ZMIZ1: variants seen among roughly 807,000 people sequenced by gnomAD.
ZMIZ1 encodes the protein zinc finger MIZ-type containing 1.
Under a neutral mutation model 113.9 loss-of-function variants are expected in ZMIZ1, and 17 were observed. The ratio of observed to expected loss-of-function variants is 0.15; its 90% CI spans 0.10 to 0.22. ZMIZ1 has a LOEUF of 0.22. ZMIZ1 is among the 10% of genes least tolerant of loss of function. ZMIZ1 has a pLI of 1.00. For synonymous variants in ZMIZ1, 607 were observed against 603.1 expected, an observed-to-expected ratio of 1.01 and a Z score of -0.09; for missense variants, 1,059 against 1,477.8, an observed-to-expected ratio of 0.72 and a Z score of 4.65.
intron 7 of ZMIZ1, among the ~76,000 whole-genome samples, chr10:79,257,156 G>A (rs1011614774): frequency 4.6e-5 from 7 of 152,182 alleles, no homozygotes; most frequent in African/African-American, 1.2e-4. Context: ...TGTCAACTCC[G>A]CTCATCCCAT....
At chr10:79,070,350 G>A (rs1842222056) in intron 1 of ZMIZ1, among the ~76,000 whole-genome samples, 1 of 152,120 alleles carries the variant, frequency 6.6e-6, no homozygotes, top group African/African-American at 2.4e-5. Flanking sequence ...TGGAGCGGTG[G>A]GGGCGCGGGC....
At chr10:79,123,008 T>G (rs1844364793) in intron 2 of ZMIZ1, among the ~76,000 whole-genome samples, 1 of 152,182 alleles carries the variant, frequency 6.6e-6, no homozygotes, top group African/African-American at 2.4e-5. Context: ...CCAGCCCTGC[T>G]TTTCCCCACA....
intron 6 of ZMIZ1, among the ~76,000 whole-genome samples, chr10:79,214,577 T>A (rs1343370201): frequency 3.3e-5 from 5 of 152,160 alleles, no homozygotes; most frequent in Non-Finnish European, 7.4e-5. Flanking sequence ...TTTCACAAAT[T>A]CCTGAGATTT....
intron 7 of ZMIZ1, among the ~76,000 whole-genome samples, chr10:79,220,830 G>T (rs920645379): frequency 2.0e-5 from 3 of 151,722 alleles, no homozygotes; most frequent in Admixed American, 6.6e-5. Context: ...GTGTGTGCCT[G>T]TGTACATGTG....
rs78861885 is a variant in ZMIZ1 at position 79,119,622 on chromosome 10, T to G, written c.-227+598T>G. Among the ~76,000 whole-genome samples the G allele has an allele frequency of 4.2e-4, 64 of 152,336 alleles. No homozygotes were observed. In the East Asian group the frequency reaches 0.011, roughly 25 times the overall value. On this transcript the variant is annotated intron_variant, in intron 2 of 24. Transcript: ENST00000334512. ...TCTGCCTCTGGCCTTGCTCCTAGCT[T>G]CTTTTTGGGGGTGGGGATCAGGGCA...
chr10:79,164,059 T>G (rs761326057), intron 4 of ZMIZ1, among the ~76,000 whole-genome samples: 25 of 152,110 alleles, frequency 1.6e-4, no homozygotes, highest in Admixed American at 1.1e-3. Context: ...AGAGAAAGCC[T>G]TGGTGGAAAA....
intron 3 of ZMIZ1, among the ~76,000 whole-genome samples, chr10:79,141,243 G>A (rs1845249909): frequency 6.6e-6 from 1 of 152,170 alleles, no homozygotes; most frequent in African/African-American, 2.4e-5. Context: ...AGTCTGTCAG[G>A]AACTCTTTAA....
intron 1 of ZMIZ1, among the ~76,000 whole-genome samples, chr10:79,083,836 G>A (rs1842730854): frequency 1.3e-5 from 2 of 152,210 alleles, no homozygotes; most frequent in Non-Finnish European, 2.9e-5. Context: ...TCAAGTTGCT[G>A]TGTCCTGGGA....
At chr10:79,079,340 A>T (rs764247020) in intron 1 of ZMIZ1, among the ~76,000 whole-genome samples, 1 of 152,160 alleles carries the variant, frequency 6.6e-6, no homozygotes, top group African/African-American at 2.4e-5. Flanking sequence ...ACTTTCCTGG[A>T]GAGGTGGTCT....
chr10:79,252,731 A>G (rs116792099), intron 7 of ZMIZ1, among the ~76,000 whole-genome samples: 2,674 of 152,292 alleles, frequency 0.018, 55 homozygotes, highest in East Asian at 0.045. Context: ...GAGTGTGTGC[A>G]GGCATCTGCT....
intron 5 of ZMIZ1, among the ~76,000 whole-genome samples, chr10:79,207,189 C>G (rs550029839): frequency 2.0e-5 from 3 of 152,168 alleles, no homozygotes; most frequent in African/African-American, 7.2e-5. Context: ...TGCTGCAGGT[C>G]GAATGGAGGG....
At chr10:79,269,877 A>G (rs1373463166) in intron 7 of ZMIZ1, among the ~76,000 whole-genome samples, 1 of 152,180 alleles carries the variant, frequency 6.6e-6, no homozygotes, top group African/African-American at 2.4e-5. Context: ...TGCCCAGGTG[A>G]GCGTACCTGC....
At chr10:79,218,126 G>A (rs1001642397) in intron 7 of ZMIZ1, among the ~76,000 whole-genome samples, 11 of 152,164 alleles carry the variant, frequency 7.2e-5, no homozygotes, top group African/African-American at 2.7e-4. Context: ...TGTGAAAGCT[G>A]CCATAGATAG....
chr10:79,138,258 C>T (rs527450770), intron 2 of ZMIZ1, among the ~76,000 whole-genome samples: 1 of 152,230 alleles, frequency 6.6e-6, no homozygotes, highest in South Asian at 2.1e-4. Flanking sequence ...AGGGTCAGAG[C>T]GCCAAGAGCA....
intron 3 of ZMIZ1, among the ~76,000 whole-genome samples, chr10:79,160,333 A>G (rs1352453138): frequency 3.9e-5 from 6 of 152,162 alleles, no homozygotes; most frequent in Non-Finnish European, 7.4e-5. Context: ...TGGGGTGGGG[A>G]CACTGGGCCT....
intron 7 of ZMIZ1, among the ~76,000 whole-genome samples, chr10:79,219,921 G>A (rs1848893299): frequency 6.6e-6 from 1 of 152,094 alleles, no homozygotes; most frequent in Non-Finnish European, 1.5e-5. Flanking sequence ...CGGGATCCCA[G>A]CCACCCCCTG....
chr10:79,298,502 C>T lies in ZMIZ1; in HGVS notation c.1588C>T (p.Leu530=), dbSNP rs1854064281. The T allele has an allele frequency of 6.2e-7, 1 of 1,605,598 alleles. No homozygotes were observed. The highest frequency in any genetic ancestry group is 8.5e-7 in the Non-Finnish European group (1 of 1,176,348). ...MTPGSSIPPY[L]SPSQDVKPPF... ...CCCTGGGAGCAGCATCCCTCCATACCTGTCCCCCAGCCAAGACGTCAAACC... is the reference window on the plus strand; with the variant it reads ...CCCTGGGAGCAGCATCCCTCCATACTTGTCCCCCAGCCAAGACGTCAAACC... Residue 530 remains leucine, a synonymous_variant, in exon 15 of 25, where the codon CTG becomes TTG. Transcript: ENST00000334512.
chr10:79,146,301 G>A (rs146315112), intron 3 of ZMIZ1, among the ~76,000 whole-genome samples: 77 of 152,310 alleles, frequency 5.1e-4, no homozygotes, highest in African/African-American at 1.8e-3. Flanking sequence ...CCCTGGGGTA[G>A]TAGCGGAGAC....
intron 18 of ZMIZ1, 139 bp downstream of exon 18, chr10:79,302,351 C>G (rs191097867): frequency 3.7e-6 from 3 of 816,848 alleles, no homozygotes; most frequent in Admixed American, 2.1e-5. Flanking sequence ...TCCCTGAGCG[C>G]GCCCTGTCCT....
Sources: allele counts gnomAD v4.1 joint callset (sites outside exome capture counted in the v4.1 genomes callset), GRCh38; gene constraint gnomAD v4.1.1; transcripts MANE v1.5; gene names NCBI Gene and HGNC (gene_info 2026-07-23, HGNC 2026-07-21).